Variants in MARCHF4 observed in about 807,000 individuals in gnomAD.
MARCHF4 encodes E3 ubiquitin-protein ligase MARCHF4.
MARCHF4 carries 14 observed loss-of-function variants against 43.9 expected under a neutral mutation model. The ratio of observed to expected loss-of-function variants is 0.32; its 90% CI spans 0.21 to 0.50. The LOEUF (loss-of-function observed/expected upper bound fraction) is 0.50. Ranked by LOEUF, MARCHF4 falls within the 20% of genes least tolerant of loss-of-function variation. The pLI is 0.98. For synonymous variants in MARCHF4, 226 were observed against 213.3 expected (o/e 1.06, Z -0.52); for missense variants, 468 against 536.7 (o/e 0.87, Z 1.27).
chr2:216,351,593 A>G (rs189814961), intron 1 of MARCHF4: 2 of 152,398 alleles, frequency 1.3e-5, no homozygotes, highest in East Asian at 1.9e-4. Flanking sequence ...CAGGACCACT[A>G]TCATGAGCTG....
intron 1 of MARCHF4, among the ~76,000 whole-genome samples, chr2:216,322,552 T>A (rs778087654): frequency 6.6e-5 from 10 of 152,362 alleles, no homozygotes; most frequent in Non-Finnish European, 1.5e-4. Context: ...CCAGGCACGG[T>A]GGCTCACGCC....
chr2:216,285,816 A>G (rs1691209890), intron 1 of MARCHF4, among the ~76,000 whole-genome samples: 1 of 152,200 alleles, frequency 6.6e-6, no homozygotes. Context: ...AGGCTCATTA[A>G]TTCTAACAGG....
chr2:216,293,597 AAG>A (rs1691347558), intron 1 of MARCHF4, among the ~76,000 whole-genome samples: 3 of 151,874 alleles, frequency 2.0e-5, no homozygotes, highest in African/African-American at 7.3e-5. Context: ...ACAATGTAAA[AAG>A]AGACAAGGAA....
chr2:216,326,830 A>G (rs1692000666), intron 1 of MARCHF4, among the ~76,000 whole-genome samples: 1 of 123,360 alleles, frequency 8.1e-6, no homozygotes, highest in Non-Finnish European at 1.7e-5. Context: ...GGGAGGGGGG[A>G]GGGATAGCAT....
At chr2:216,312,010 A>G (rs1372632553) in intron 1 of MARCHF4, among the ~76,000 whole-genome samples, 1 of 152,266 alleles carries the variant, frequency 6.6e-6, no homozygotes, top group South Asian at 2.1e-4. Context: ...TCAAGAATAC[A>G]TACGCATGTT....
At chr2:216,267,472 C>A (rs1000498608) in intron 3 of MARCHF4, among the ~76,000 whole-genome samples, 1 of 152,138 alleles carries the variant, frequency 6.6e-6, no homozygotes, top group African/African-American at 2.4e-5. Flanking sequence ...GCCTGTGGAG[C>A]CCAGAGATGG....
intron 1 of MARCHF4, among the ~76,000 whole-genome samples, chr2:216,352,924 G>C (rs946056629): frequency 2.0e-5 from 3 of 152,154 alleles, no homozygotes; most frequent in African/African-American, 7.2e-5. Flanking sequence ...ATCCTCATGC[G>C]GTTCTGGCAC....
At chr2:216,364,718 T>C (rs981471910) in intron 1 of MARCHF4, among the ~76,000 whole-genome samples, 22 of 152,190 alleles carry the variant, frequency 1.4e-4, no homozygotes, top group African/African-American at 5.3e-4. Context: ...AGCAGGACTG[T>C]CCATACACGT....
intron 3 of MARCHF4, among the ~76,000 whole-genome samples, chr2:216,260,967 C>T (rs894921098): frequency 6.6e-6 from 1 of 152,128 alleles, no homozygotes; most frequent in Non-Finnish European, 1.5e-5. Flanking sequence ...CTTGCTGACT[C>T]GCAGGGTGGG....
chr2:216,320,643 CTTTCTTTCT>C (rs1691869150), intron 1 of MARCHF4, among the ~76,000 whole-genome samples: 3 of 116,322 alleles, frequency 2.6e-5, no homozygotes, highest in Non-Finnish European at 5.0e-5. Flanking sequence ...TTCTTTCTTT[CTTTCTTTCT>C]TTCTTTCTTT....
intron 3 of MARCHF4, among the ~76,000 whole-genome samples, chr2:216,263,715 G>C (rs1256523359): frequency 6.6e-6 from 1 of 152,162 alleles, no homozygotes; most frequent in Non-Finnish European, 1.5e-5. Context: ...CAGTGTGTGT[G>C]GGGGAAAGAA....
At chr2:216,317,657 A>AC (rs1370970199) in intron 1 of MARCHF4, among the ~76,000 whole-genome samples, 19 of 151,478 alleles carry the variant, frequency 1.3e-4, no homozygotes, top group Admixed American at 4.0e-4. Context: ...CAAGTGATCC[A>AC]CCCCCCTTGG....
In MARCHF4 at chr2:216,370,324, A is replaced by G; in HGVS notation, c.-64T>C. On this transcript the variant is annotated 5_prime_UTR_variant, in exon 1 of 4. Transcript: ENST00000273067. ...GAGTCTTAAAAGAGGGGGACAGGAC[A>G]GGTTTTGGGGGTCCACAGTGGATCT... 2 of 1,439,654 alleles carry G rather than the reference A, an allele frequency of 1.4e-6. No individual in the cohort carries two copies. The highest frequency in any genetic ancestry group is 1.5e-5 in the African/African-American group (1 of 68,106). 89.2% of individuals were successfully genotyped at this position (1,439,654 alleles called of 1,614,324 possible).
At chr2:216,319,853 A>G (rs905145173) in intron 1 of MARCHF4, among the ~76,000 whole-genome samples, 1 of 152,108 alleles carries the variant, frequency 6.6e-6, no homozygotes, top group Non-Finnish European at 1.5e-5. Flanking sequence ...TACTCTCAGG[A>G]TGATAGAACT....
chr2:216,358,770 C>T (rs1692536975), intron 1 of MARCHF4, among the ~76,000 whole-genome samples: 1 of 151,690 alleles, frequency 6.6e-6, no homozygotes, highest in African/African-American at 2.4e-5. Flanking sequence ...GATTATACTC[C>T]CCACCCCTAT....
In MARCHF4 at chr2:216,369,899, C is replaced by T. The variant is rs1194256228; in HGVS notation, c.362G>A (p.Gly121Asp). Residue 121 changes from glycine (G) to aspartate (D), a missense_variant, in exon 1 of 4, where the codon GGC becomes GAC. By Grantham distance (94) the Gly-to-Asp change is moderately conservative. This residue lies in a region of MARCHF4 where 158 missense variants were observed against 251.1 expected (regional missense o/e 0.63). Coordinates refer to ENST00000273067, the MANE Select transcript of MARCHF4 (RefSeq NM_020814.3). ...CGAGGCAGGTGGCTCTGTGGCTGGG[C>T]CACCCCAGTCATCTTCCACAGAAGA... ...PPSSVEDDWG[G>D]PATEPPASLL... is the part of the protein sequence containing the mutation. The T allele has an allele frequency of 2.5e-6, 4 of 1,613,210 alleles. No individual in the cohort carries two copies. The highest frequency in any genetic ancestry group is 3.4e-6 in the Non-Finnish European group (4 of 1,179,764).
intron 1 of MARCHF4, among the ~76,000 whole-genome samples, chr2:216,320,869 C>T (rs1171861187): frequency 3.0e-5 from 4 of 134,032 alleles, no homozygotes; most frequent in African/African-American, 5.8e-5. Flanking sequence ...TTAGTAGAGA[C>T]GGGGTTTCAC....
At chr2:216,285,141 C>A (rs1476444637) in intron 1 of MARCHF4, among the ~76,000 whole-genome samples, 1 of 152,146 alleles carries the variant, frequency 6.6e-6, no homozygotes, top group Non-Finnish European at 1.5e-5. Context: ...TGAATAAGTA[C>A]ATGAAAAAAT....
chr2:216,283,127 T>C (rs1460301649), intron 2 of MARCHF4, among the ~76,000 whole-genome samples: 1 of 152,210 alleles, frequency 6.6e-6, no homozygotes, highest in Non-Finnish European at 1.5e-5. Context: ...ATCTCAGTCC[T>C]TCTCCTCACC....
Sources: gnomAD v4.1 joint callset for allele counts (sites outside exome capture counted in the v4.1 genomes callset) on GRCh38, gnomAD v4.1.1 for gene constraint, gnomAD v4.1.1 regional missense constraint, MANE v1.5 for transcripts, NCBI Gene and HGNC (gene_info 2026-07-23, HGNC 2026-07-21) for gene names.